Variants in ASTN2 observed in about 807,000 individuals in gnomAD.
ASTN2 encodes the protein astrotactin 2, also known as astrotactin-2.
In ASTN2, 54 loss-of-function variants were observed where a neutral mutation model predicts 139.8. That is an observed-to-expected ratio of 0.39 (90% CI 0.31 to 0.48). The LOEUF (loss-of-function observed/expected upper bound fraction) is 0.48, where lower values mean the gene tolerates loss of function less well. Among genes scored for constraint, ASTN2 ranks in the 20% least tolerant of loss-of-function variants. The pLI, the probability that ASTN2 is intolerant of heterozygous loss-of-function variation, is 0.95. For synonymous variants in ASTN2, 756 were observed against 719.5 expected, an observed-to-expected ratio of 1.05 and a Z score of -0.81; for missense variants, 1,565 against 1,725.1, an observed-to-expected ratio of 0.91 and a Z score of 1.64.
chr9:116,872,060 T>A (rs1044811972), intron 10 of ASTN2, among the ~76,000 whole-genome samples: 4 of 152,096 alleles, frequency 2.6e-5, no homozygotes, highest in Non-Finnish European at 5.9e-5. Flanking sequence ...CGCCTCCCAG[T>A]TCAAGCAATT....
intron 20 of ASTN2, among the ~76,000 whole-genome samples, chr9:116,453,263 A>T (rs1848224924): frequency 6.6e-6 from 1 of 152,118 alleles, no homozygotes; most frequent in African/African-American, 2.4e-5. Context: ...CTATCTGTAA[A>T]ATGGAGTCAA....
chr9:117,139,735 A>C (rs1830029748), intron 4 of ASTN2, among the ~76,000 whole-genome samples: 1 of 152,220 alleles, frequency 6.6e-6, no homozygotes. Flanking sequence ...GCCAGACAAA[A>C]GACAATGATA....
chr9:117,359,979 C>T (rs1829648634), intron 1 of ASTN2, among the ~76,000 whole-genome samples: 1 of 152,038 alleles, frequency 6.6e-6, no homozygotes, highest in Non-Finnish European at 1.5e-5. Flanking sequence ...AGGAATAAAC[C>T]CAAGAATAAG....
intron 5 of ASTN2, among the ~76,000 whole-genome samples, chr9:117,040,316 T>G (rs1283864920): frequency 6.6e-6 from 1 of 152,200 alleles, no homozygotes; most frequent in Non-Finnish European, 1.5e-5. Context: ...TAGAGGCAAG[T>G]GAGAAGATAC....
At chr9:117,004,207 C>T (rs1837291212) in intron 7 of ASTN2, among the ~76,000 whole-genome samples, 1 of 152,108 alleles carries the variant, frequency 6.6e-6, no homozygotes, top group African/African-American at 2.4e-5. Context: ...GTAGCCTCGA[C>T]TTCCAGGACT....
At chr9:116,432,133 C>T (rs1847517960) in intron 22 of ASTN2, among the ~76,000 whole-genome samples, 1 of 152,158 alleles carries the variant, frequency 6.6e-6, no homozygotes, top group Non-Finnish European at 1.5e-5. Flanking sequence ...CCACTCACTT[C>T]ACAACAAAAT....
chr9:117,002,275 TAGA>T (rs1182977553), intron 7 of ASTN2, among the ~76,000 whole-genome samples: 3 of 152,178 alleles, frequency 2.0e-5, no homozygotes, highest in Non-Finnish European at 2.9e-5. Context: ...GATGATTCTG[TAGA>T]AGAAGTAATC....
chr9:116,717,584 C>T (rs1327795092), intron 16 of ASTN2, among the ~76,000 whole-genome samples: 2 of 152,140 alleles, frequency 1.3e-5, no homozygotes, highest in African/African-American at 4.8e-5. Flanking sequence ...CCAACTCTCA[C>T]CACCATGCTG....
intron 13 of ASTN2, among the ~76,000 whole-genome samples, chr9:116,759,203 T>C (rs1829611333): frequency 6.6e-6 from 1 of 152,198 alleles, no homozygotes; most frequent in African/African-American, 2.4e-5. Flanking sequence ...ATATCTATCA[T>C]AGACTCTACC....
chr9:117,145,585 C>T (rs1830175966), intron 3 of ASTN2, among the ~76,000 whole-genome samples: 1 of 152,182 alleles, frequency 6.6e-6, no homozygotes, highest in Admixed American at 6.5e-5. Flanking sequence ...TTTCCACAGT[C>T]CCAGTTCTCA....
intron 10 of ASTN2, among the ~76,000 whole-genome samples, chr9:116,925,910 G>T (rs1834743733): frequency 6.6e-6 from 1 of 150,596 alleles, no homozygotes; most frequent in African/African-American, 2.5e-5. Context: ...ATGCACACAT[G>T]CACATAGGGA....
intron 7 of ASTN2, among the ~76,000 whole-genome samples, chr9:116,990,128 TA>T (rs1836810069): frequency 6.6e-6 from 1 of 152,130 alleles, no homozygotes; most frequent in African/African-American, 2.4e-5. Flanking sequence ...TCCACAAATA[TA>T]AAAAAGTATG....
At chr9:116,518,214 T>C (rs1850728686) in intron 19 of ASTN2, among the ~76,000 whole-genome samples, 1 of 152,152 alleles carries the variant, frequency 6.6e-6, no homozygotes, top group African/African-American at 2.4e-5. Flanking sequence ...CATCAGGTTA[T>C]CTAAAATCAG....
intron 1 of ASTN2, among the ~76,000 whole-genome samples, chr9:117,324,510 G>A (rs901221145): frequency 1.3e-5 from 2 of 152,174 alleles, no homozygotes; most frequent in South Asian, 2.1e-4. Context: ...CATATCCTGT[G>A]AGAACTCACT....
chr9:117,109,865 C>G (rs946076142), intron 4 of ASTN2, among the ~76,000 whole-genome samples: 1 of 152,106 alleles, frequency 6.6e-6, no homozygotes, highest in Non-Finnish European at 1.5e-5. Flanking sequence ...ATTGTTTCAC[C>G]TTTTTGGCCT....
chr9:116,990,142 C>T (rs540351668), intron 7 of ASTN2, among the ~76,000 whole-genome samples: 15 of 152,312 alleles, frequency 9.8e-5, no homozygotes, highest in Non-Finnish European at 1.6e-4. Flanking sequence ...AAAGTATGGT[C>T]TGCCTTCTTT....
At chr9:117,303,641 T>C (rs746499165) in intron 1 of ASTN2, among the ~76,000 whole-genome samples, 24 of 152,208 alleles carry the variant, frequency 1.6e-4, no homozygotes, top group Non-Finnish European at 2.8e-4. Flanking sequence ...CATATCCTTG[T>C]TTTTCACTGT....
intron 7 of ASTN2, among the ~76,000 whole-genome samples, chr9:116,988,482 C>T (rs1445878528): frequency 6.6e-6 from 1 of 152,174 alleles, no homozygotes; most frequent in Admixed American, 6.5e-5. Context: ...GTTTGTTAAT[C>T]ATGACCACTT....
intron 5 of ASTN2, among the ~76,000 whole-genome samples, chr9:117,042,414 T>G (rs1417750638): frequency 6.6e-6 from 1 of 150,668 alleles, no homozygotes; most frequent in Non-Finnish European, 1.5e-5. Context: ...TTCTCAGTCC[T>G]AGGACAATGC....
Sources: gnomAD v4.1 joint callset for allele counts (sites outside exome capture counted in the v4.1 genomes callset) on GRCh38, gnomAD v4.1.1 for gene constraint, MANE v1.5 for transcripts, NCBI Gene and HGNC (gene_info 2026-07-23, HGNC 2026-07-21) for gene names.